Variants in PEPD observed in about 807,000 individuals in gnomAD.
The protein encoded by PEPD is xaa-Pro dipeptidase.
A neutral mutation model predicts 60.7 loss-of-function variants in PEPD; 53 were observed. The observed-to-expected ratio is 0.87, with a 90% CI of 0.70 to 1.10. The LOEUF is 1.10. Ranked by LOEUF, PEPD falls within the 50% of genes least tolerant of loss-of-function variation. The probability of loss-of-function intolerance (pLI) is 0.00; values close to 1 mark genes in which losing one functional copy is unlikely to be tolerated. For missense variants in PEPD, 711 were observed against 711.9 expected (o/e 1.00, Z 0.01); for synonymous variants, 267 against 284.1 (o/e 0.94, Z 0.60).
intron 7 of PEPD, among the ~76,000 whole-genome samples, chr19:33,474,303 T>G (rs566653760): frequency 6.6e-6 from 1 of 152,362 alleles, no homozygotes; most frequent in Admixed American, 6.5e-5. Flanking sequence ...TGGCATTTTC[T>G]TGGGCAAGTC....
rs566370673 is a variant in PEPD, at chr19:33,415,977, C to T, written c.672-2334G>A. Among the ~76,000 whole-genome samples, 14 of 152,350 alleles carry T rather than the reference C, an allele frequency of 9.2e-5. No individual in the cohort carries two copies. The East Asian group carries it at 1.3e-3, about 15-fold the overall frequency. On this transcript the variant is annotated intron_variant, in intron 9 of 14. Coordinates refer to ENST00000244137, the MANE Select transcript of PEPD (RefSeq NM_000285.4). ...ATAACAGGTGGGCAAAACGAGCCCA[C>T]GTTTTCTGCAGACTTTAGGCTTGGG...
At chr19:33,471,110 T>C (rs1479053485) in intron 7 of PEPD, among the ~76,000 whole-genome samples, 3 of 152,046 alleles carry the variant, frequency 2.0e-5, no homozygotes, top group Non-Finnish European at 4.4e-5. Context: ...TAATCTTACT[T>C]TGGGGGAAGT....
At position 33,492,043 on chromosome 19, in the gene PEPD, CAAAAA is replaced by C. The variant is rs757173823; in HGVS notation, c.441+1242_441+1246del. On this transcript the variant is annotated intron_variant, in intron 5 of 14. Coordinates refer to ENST00000244137, the MANE Select transcript of PEPD (RefSeq NM_000285.4). ...CTACTTTACTTTTTATATTCCATTT[CAAAAA>C]AAAAAAAAAAAAAAGACAAGAGGGA... 6.1e-3 allele frequency among the ~76,000 whole-genome samples: 499 copies of C among 81,578 alleles called. 2 individuals are homozygous for C. Among genetic ancestry groups the C allele is most frequent in the African/African-American group, 0.02 (476 of 23,494 alleles). The allele number at this position is 81,578 out of a possible 152,430, so 53.5% of individuals were successfully genotyped here.
chr19:33,430,188 C>G (rs1018008573), intron 9 of PEPD, among the ~76,000 whole-genome samples: 1 of 152,224 alleles, frequency 6.6e-6, no homozygotes, highest in Non-Finnish European at 1.5e-5. Context: ...GACATGGTAT[C>G]TGCTCACCAG....
At chr19:33,520,826 T>C (rs923752739) in intron 1 of PEPD, among the ~76,000 whole-genome samples, 6 of 152,016 alleles carry the variant, frequency 3.9e-5, no homozygotes, top group East Asian at 1.9e-4. Context: ...CCTTCTCCCA[T>C]TGAACTCACA....
intron 9 of PEPD, among the ~76,000 whole-genome samples, chr19:33,447,023 C>T (rs1969606909): frequency 6.6e-6 from 1 of 152,254 alleles, no homozygotes; most frequent in African/African-American, 2.4e-5. Flanking sequence ...CAGCAATGAA[C>T]TGCGGTCACC....
chr19:33,403,297 G>T (rs1968545925), intron 11 of PEPD, among the ~76,000 whole-genome samples: 1 of 152,186 alleles, frequency 6.6e-6, no homozygotes, highest in Admixed American at 6.5e-5. Flanking sequence ...GCGGAGGCTG[G>T]TCTAGCCCTA....
intron 3 of PEPD, among the ~76,000 whole-genome samples, chr19:33,503,500 T>C (rs1432526984): frequency 6.6e-6 from 1 of 152,118 alleles, no homozygotes; most frequent in Admixed American, 6.5e-5. Flanking sequence ...GACGAGCGCC[T>C]CGCCTGGACT....
chr19:33,468,524 C>T (rs768630221), intron 7 of PEPD, among the ~76,000 whole-genome samples: 5 of 152,236 alleles, frequency 3.3e-5, no homozygotes, highest in Non-Finnish European at 7.3e-5. Flanking sequence ...GCGAGGATGG[C>T]GGGAATGCGA....
rs760313240 is a variant in PEPD at position 33,387,004 on chromosome 19, CAG to C, written c.*338_*339del. On this transcript the variant is annotated 3_prime_UTR_variant, in exon 15 of 15. Transcript: ENST00000244137. ...TGCCATTCTGCATATTGATTTTTGA[CAG>C]AAAGTATCAGAAATGCTTCTTTCCT... 4 of 287,574 alleles carry C rather than the reference CAG, an allele frequency of 1.4e-5. No individual in the cohort carries two copies. The highest frequency in any genetic ancestry group is 4.5e-5 in the South Asian group (1 of 22,470). The allele number at this position is 287,574 out of a possible 1,614,324, so 17.8% of individuals were successfully genotyped here.
At position 33,520,566 on chromosome 19, in the gene PEPD, A is replaced by G. The variant is rs1971112713; in HGVS notation, c.17+1178T>C. 2.0e-5 allele frequency among the ~76,000 whole-genome samples: 3 copies of G among 152,352 alleles called. No homozygotes were observed. The South Asian group carries it at 6.2e-4, about 32-fold the overall frequency. On this transcript the variant is annotated intron_variant, in intron 1 of 14. Transcript: ENST00000244137. ...CAGTGGCCTGTGAGTACCTTAAGGG[A>G]AGACCCACTGCTATTCCTGGAATAT...
intron 9 of PEPD, among the ~76,000 whole-genome samples, chr19:33,432,423 C>G (rs962937297): frequency 6.6e-6 from 1 of 152,200 alleles, no homozygotes; most frequent in Non-Finnish European, 1.5e-5. Flanking sequence ...CCCTGGGGAC[C>G]ACCCACCCAA....
At chr19:33,514,514 A>T (rs980779959) in intron 1 of PEPD, among the ~76,000 whole-genome samples, 1 of 151,572 alleles carries the variant, frequency 6.6e-6, no homozygotes, top group Non-Finnish European at 1.5e-5. Flanking sequence ...ATCCCCTACT[A>T]GTCCCTGGCC....
intron 7 of PEPD, among the ~76,000 whole-genome samples, chr19:33,472,179 T>C (rs1464745429): frequency 7.7e-6 from 1 of 130,674 alleles, no homozygotes; most frequent in Non-Finnish European, 1.6e-5. Flanking sequence ...AAAAAAAAAA[T>C]CAGCTAGGCA....
chr19:33,508,549 T>A (rs1423160928), intron 3 of PEPD, among the ~76,000 whole-genome samples: 1 of 152,198 alleles, frequency 6.6e-6, no homozygotes, highest in Non-Finnish European at 1.5e-5. Context: ...GCTCCACATC[T>A]AGGACCTCAG....
At chr19:33,453,080 G>A (rs7257083) in intron 9 of PEPD, among the ~76,000 whole-genome samples, 46,137 of 151,980 alleles carry the variant, frequency 0.3, 7,677 homozygotes, top group African/African-American at 0.43. Context: ...CCGGCACTTC[G>A]GGAGGCCGTG....
intron 4 of PEPD, among the ~76,000 whole-genome samples, chr19:33,494,519 A>G (rs1970562150): frequency 6.6e-6 from 1 of 152,274 alleles, no homozygotes; most frequent in African/African-American, 2.4e-5. Flanking sequence ...AGCTTTGCTC[A>G]TAAAAACAGA....
At chr19:33,473,233 G>A (rs776844423) in intron 7 of PEPD, among the ~76,000 whole-genome samples, 4 of 152,122 alleles carry the variant, frequency 2.6e-5, no homozygotes, top group South Asian at 2.1e-4. Context: ...TCTTGCTGGC[G>A]TAGGGTTAAA....
At chr19:33,444,769 T>C (rs10402950) in intron 9 of PEPD, among the ~76,000 whole-genome samples, 42,194 of 151,682 alleles carry the variant, frequency 0.28, 6,209 homozygotes, top group African/African-American at 0.34. Flanking sequence ...GAGACCTGGC[T>C]GTGTGGCCCA....
Sources: gnomAD v4.1 joint callset for allele counts (sites outside exome capture counted in the v4.1 genomes callset) on GRCh38, gnomAD v4.1.1 for gene constraint, MANE v1.5 for transcripts, NCBI Gene and HGNC (gene_info 2026-07-23, HGNC 2026-07-21) for gene names.